The following ZFYVE27 variants were observed in gnomAD, a reference collection of about 807,000 sequenced individuals.
ZFYVE27 encodes zinc finger FYVE-type containing 27.
ZFYVE27 carries 36 observed loss-of-function variants against 52.8 expected under a neutral mutation model. That is an observed-to-expected ratio of 0.68 (90% confidence interval 0.52 to 0.90). The LOEUF (loss-of-function observed/expected upper bound fraction) is 0.90, where lower values mean the gene tolerates loss of function less well. Ranked by LOEUF, ZFYVE27 falls within the 40% of genes least tolerant of loss-of-function variation. The pLI is 0.00. For missense variants in ZFYVE27, 450 were observed against 527.2 expected, an observed-to-expected ratio of 0.85 and a Z score of 1.43; for synonymous variants, 223 against 215.6, an observed-to-expected ratio of 1.03 and a Z score of -0.30.
rs2044712549 is a variant in ZFYVE27, at chr10:97,744,746, G to C, written c.286G>C (p.Gly96Arg). The C allele has an allele frequency of 6.2e-7, 1 of 1,613,710 alleles. No individual in the cohort carries two copies. Among genetic ancestry groups the C allele is most frequent in the Admixed American group, 1.7e-5 (1 of 60,012 alleles). ...TTCTGCAGGTGCATGGTACTCAGTA[G>C]GTGCCCTGATGATTTCAGTGCCCGC... ...TLNEGAWYSV[G>R]ALMISVPALL... The change falls in exon 4 of 13, where the codon GGT becomes CGT. Residue 96 changes from glycine to arginine, a missense_variant. Gly to Arg is a moderately radical substitution (Grantham distance 125, BLOSUM62 -2). Transcript: ENST00000684270.
intron 4 of ZFYVE27, among the ~76,000 whole-genome samples, chr10:97,748,037 A>G (rs2045938017): frequency 6.6e-6 from 1 of 152,352 alleles, no homozygotes; most frequent in South Asian, 2.1e-4. Context: ...AAGCAGGAAC[A>G]TTTATACTGT....
chr10:97,759,333 C>A lies in ZFYVE27; in HGVS notation c.*33C>A, dbSNP rs2049180243. The A allele has an allele frequency of 6.2e-7, 1 of 1,613,096 alleles. No homozygotes were observed. The highest frequency in any genetic ancestry group is 8.5e-7 in the Non-Finnish European group (1 of 1,179,240). On this transcript the variant is annotated 3_prime_UTR_variant, in exon 13 of 13. Transcript: ENST00000684270. Reference sequence around the variant, plus strand: ...GGCCAGGGTCCAACCAGGCACCCGTCCTTGGGACCAGCAGTAGACCCCCCA... The same window carrying A: ...GGCCAGGGTCCAACCAGGCACCCGTACTTGGGACCAGCAGTAGACCCCCCA...
intron 11 of ZFYVE27, 145 bp from the exon 12 acceptor site, chr10:97,757,497 C>G (rs2048671919): frequency 2.4e-6 from 3 of 1,233,824 alleles, no homozygotes; most frequent in African/African-American, 1.5e-5. Context: ...AGGGGGTATT[C>G]CATTTGCTCT....
At chr10:97,738,767 T>A (rs1406889577) in intron 2 of ZFYVE27, 93 bp downstream of exon 2, 4 of 1,435,324 alleles carry the variant, frequency 2.8e-6, no homozygotes, top group Non-Finnish European at 3.9e-6. Context: ...GTGGCTGGGC[T>A]GTCCTTTCTG....
At position 97,743,019 on chromosome 10, in the gene ZFYVE27, G is replaced by A. The variant is rs544878265; in HGVS notation, c.198-75G>A. The A allele has an allele frequency of 2.5e-4, 373 of 1,518,390 alleles. No individual in the cohort carries two copies. In the East Asian group the frequency reaches 7.1e-3, roughly 29 times the overall value. 94.1% of individuals were successfully genotyped at this position (1,518,390 alleles called of 1,614,324 possible). ...GCCTCCTCTTCTGGTTTGATGTCCC[G>A]TCTGTGCTGCCTGGTCTCCCCTCCC... On this transcript the variant is annotated intron_variant, in intron 2 of 12. Coordinates refer to ENST00000684270, the MANE Select transcript of ZFYVE27 (RefSeq NM_001385875.1).
chr10:97,743,224 G>A (rs1438343636), intron 3 of ZFYVE27, 60 bp downstream of exon 3: 2 of 1,576,860 alleles, frequency 1.3e-6, no homozygotes, highest in African/African-American at 1.3e-5. Context: ...AAGAACACCT[G>A]GATGCAGCCC....
chr10:97,753,016 C>G (rs997451350), intron 9 of ZFYVE27, 22 bp from the exon 10 acceptor site: 12 of 1,612,402 alleles, frequency 7.4e-6, no homozygotes, highest in Non-Finnish European at 1.0e-5. Flanking sequence ...GTGGGCAGGA[C>G]TGGAAGGAGC....
At chr10:97,737,497 C>T (rs1186465089) in intron 1 of ZFYVE27, among the ~76,000 whole-genome samples, 176 bp downstream of exon 1, 1 of 152,254 alleles carries the variant, frequency 6.6e-6, no homozygotes, top group Non-Finnish European at 1.5e-5. Context: ...TGGCCAAGGC[C>T]AGTGCGGGCG....
At chr10:97,752,762 T>C (rs2047318956) in intron 8 of ZFYVE27, 95 bp from the exon 9 acceptor site, 4 of 1,399,158 alleles carry the variant, frequency 2.9e-6, no homozygotes, top group Admixed American at 3.9e-5. Context: ...GCTTCCATGC[T>C]TCCTTCTGCT....
intron 2 of ZFYVE27, among the ~76,000 whole-genome samples, chr10:97,742,134 GA>G (rs796122082): frequency 0.12 from 8,995 of 75,222 alleles, 327 homozygotes; most frequent in African/African-American, 0.19. Flanking sequence ...TGTCTCAAAA[GA>G]AAAAAAAAAA....
chr10:97,745,102 C>T (rs2044824240), intron 4 of ZFYVE27, among the ~76,000 whole-genome samples, 187 bp downstream of exon 4: 1 of 152,164 alleles, frequency 6.6e-6, no homozygotes, highest in African/African-American at 2.4e-5. Context: ...AAAAGGCTGA[C>T]TTACTTAGCT....
In ZFYVE27 at chr10:97,748,372, A is replaced by AC. The variant is rs2046017759; in HGVS notation, c.551+12dup. On this transcript the variant is annotated intron_variant, in intron 5 of 12. Coordinates refer to ENST00000684270, the MANE Select transcript of ZFYVE27 (RefSeq NM_001385875.1). ...CCCCGTCGTGTCCTCACAGTGAGTG[A>AC]CCCCTCCTCTCCCGCCACCACCCTA... 2 of 1,613,086 alleles carry AC rather than the reference A, an allele frequency of 1.2e-6. No homozygotes were observed. Among genetic ancestry groups the AC allele is most frequent in the African/African-American group, 2.7e-5 (2 of 74,918 alleles).
chr10:97,759,548 T>C lies in ZFYVE27; in HGVS notation c.*248T>C, dbSNP rs3814559. On this transcript the variant is annotated 3_prime_UTR_variant, in exon 13 of 13. Transcript: ENST00000684270. ...GCCCCTGGAGGGCCTGGCATGTTTGTCCTGCTCTGCCTGGGACTGAGCGAG... is the reference window on the plus strand; with the variant it reads ...GCCCCTGGAGGGCCTGGCATGTTTGCCCTGCTCTGCCTGGGACTGAGCGAG... 0.77 allele frequency: 447,358 copies of C among 582,996 alleles called. 173,933 individuals are homozygous for C. Among genetic ancestry groups the C allele is most frequent in the African/African-American group, 0.88 (47,875 of 54,102 alleles). 36.1% of individuals were successfully genotyped at this position (582,996 alleles called of 1,614,324 possible). A position where few individuals can be genotyped will look rare whatever the true frequency, so the allele number is the denominator to read the frequency against.
intron 2 of ZFYVE27, among the ~76,000 whole-genome samples, chr10:97,742,287 C>T (rs1036854151): frequency 2.0e-5 from 3 of 152,122 alleles, no homozygotes; most frequent in African/African-American, 4.8e-5. Flanking sequence ...ATCTGTGCTC[C>T]TCTTTCCCTA....
chr10:97,739,493 ATTAC>A (rs751712728), intron 2 of ZFYVE27, among the ~76,000 whole-genome samples: 30 of 152,006 alleles, frequency 2.0e-4, no homozygotes, highest in Non-Finnish European at 3.7e-4. Context: ...ATTATTTTAA[ATTAC>A]TTATATGGCA....
intron 3 of ZFYVE27, among the ~76,000 whole-genome samples, chr10:97,743,538 CCTT>C (rs1007490200): frequency 3.3e-5 from 5 of 152,348 alleles, no homozygotes; most frequent in African/African-American, 1.2e-4. Flanking sequence ...ATCGTTGTTT[CCTT>C]CTTGACTTCC....
At chr10:97,749,109 G>C (rs1381889292) in intron 5 of ZFYVE27, among the ~76,000 whole-genome samples, 1 of 152,186 alleles carries the variant, frequency 6.6e-6, no homozygotes, top group Admixed American at 6.5e-5. Flanking sequence ...TACACGGGAA[G>C]GGAGCTGTGC....
At chr10:97,741,425 T>C (rs1351356377) in intron 2 of ZFYVE27, among the ~76,000 whole-genome samples, 2 of 152,182 alleles carry the variant, frequency 1.3e-5, no homozygotes, top group South Asian at 2.1e-4. Flanking sequence ...TGGAATACTA[T>C]GTGCAGCCAT....
chr10:97,755,104 T>A (rs1351172536), intron 10 of ZFYVE27, among the ~76,000 whole-genome samples: 1 of 152,252 alleles, frequency 6.6e-6, no homozygotes, highest in Non-Finnish European at 1.5e-5. Flanking sequence ...TCTACCAGCA[T>A]GGGCAGAGGC....
Sources: gnomAD v4.1 joint callset for allele counts (sites outside exome capture counted in the v4.1 genomes callset) on GRCh38, gnomAD v4.1.1 for gene constraint, MANE v1.5 for transcripts, NCBI Gene and HGNC (gene_info 2026-07-23, HGNC 2026-07-21) for gene names.